Variants in DNAI2 observed in about 807,000 individuals in gnomAD.
The protein encoded by DNAI2 is dynein axonemal intermediate chain 2, also known as dynein, axonemal, intermediate polypeptide 2.
A neutral mutation model predicts 74.7 loss-of-function variants in DNAI2; 63 were observed. The observed-to-expected ratio is 0.84, with a 90% CI of 0.69 to 1.04. DNAI2 has a LOEUF of 1.04. Among genes scored for constraint, DNAI2 ranks in the 50% least tolerant of loss-of-function variants. The pLI, the probability that DNAI2 is intolerant of heterozygous loss-of-function variation, is 0.00. For synonymous variants in DNAI2, 289 were observed against 314.9 expected (o/e 0.92, Z 0.87); for missense variants, 688 against 803.2 (o/e 0.86, Z 1.73).
Position 74,295,578 on chromosome 17 carries a change from A to C in DNAI2, c.725-4140A>C, listed in dbSNP as rs540659952. ...CCAATATCTGGGCTTCTTGGGGACA[A>C]TCTCTATTTATTGCTTTTTTATTCC... On this transcript the variant is annotated intron_variant, in intron 6 of 13. Coordinates refer to ENST00000311014, the MANE Select transcript of DNAI2 (RefSeq NM_023036.6). Among the ~76,000 whole-genome samples, 14 of 151,950 alleles carry C rather than the reference A, an allele frequency of 9.2e-5. No homozygotes were observed. The East Asian group carries it at 2.5e-3, about 27-fold the overall frequency.
intron 2 of DNAI2, 60 bp from the exon 3 acceptor site, chr17:74,284,980 T>G: frequency 1.2e-6 from 2 of 1,610,128 alleles, no homozygotes; most frequent in Admixed American, 3.3e-5. Context: ...CTTGCAGAAG[T>G]GGCCGAGGGT....
intron 9 of DNAI2, chr17:74,307,231 A>G (rs1213668806): frequency 6.6e-6 from 3 of 456,174 alleles, no homozygotes; most frequent in Non-Finnish European, 8.8e-6. Context: ...GGGCTGTGTG[A>G]AAGGAGCAGG....
chr17:74,299,875 A>G lies in DNAI2; in HGVS notation c.864+18A>G, dbSNP rs766478158. The G allele has an allele frequency of 6.2e-7, 1 of 1,613,126 alleles. No individual in the cohort carries two copies. Reference sequence around the variant, plus strand: ...ATGGGCAGGTACCCACCAGCCAGACACTGGAGAGAGGAGGGAAGGGAGGGG... The same window carrying G: ...ATGGGCAGGTACCCACCAGCCAGACGCTGGAGAGAGGAGGGAAGGGAGGGG... On this transcript the variant is annotated intron_variant, in intron 7 of 13. Transcript: ENST00000311014.
intron 9 of DNAI2, among the ~76,000 whole-genome samples, chr17:74,307,019 C>T (rs1205756736): frequency 2.0e-5 from 3 of 152,192 alleles, no homozygotes; most frequent in Non-Finnish European, 4.4e-5. Context: ...AAGGAGCAAC[C>T]CCAGGCTTGT....
intron 5 of DNAI2, 147 bp from the exon 6 acceptor site, chr17:74,290,873 G>T: frequency 1.3e-6 from 1 of 781,814 alleles, no homozygotes; most frequent in East Asian, 2.4e-5. Flanking sequence ...GGACCAGGGG[G>T]TGCAGGCTGG....
chr17:74,308,716 C>A (rs530562600), intron 9 of DNAI2, among the ~76,000 whole-genome samples: 2 of 152,092 alleles, frequency 1.3e-5, no homozygotes, highest in Admixed American at 6.6e-5. Flanking sequence ...GAAACAGGGT[C>A]TTTCCATGTT....
chr17:74,304,186 CTTTTTT>C (rs56696514), intron 8 of DNAI2, among the ~76,000 whole-genome samples: 5 of 67,646 alleles, frequency 7.4e-5, no homozygotes, highest in African/African-American at 1.2e-4. Context: ...TTTCTTTTTT[CTTTTTT>C]TTTTTTTTTT....
rs1178914764 is a variant in DNAI2, at chr17:74,291,012, C to G, written c.611-8C>G. On this transcript the variant is annotated splice_region_variant and splice_polypyrimidine_tract_variant and intron_variant, in intron 5 of 13. Transcript: ENST00000311014. ...GCCTGGTGGGGATAATTTTTTTGTG[C>G]TTTATAGAAAACCCCAACAAGCCTG... 1 of 1,613,298 alleles carries G rather than the reference C, an allele frequency of 6.2e-7. No homozygotes were observed. Among genetic ancestry groups the G allele is most frequent in the Non-Finnish European group, 8.5e-7 (1 of 1,179,336 alleles).
intron 6 of DNAI2, among the ~76,000 whole-genome samples, chr17:74,295,919 G>T (rs1458076112): frequency 6.6e-6 from 1 of 152,094 alleles, no homozygotes; most frequent in African/African-American, 2.4e-5. Context: ...TCTGCTAAGG[G>T]GCTCTGTGTG....
chr17:74,288,226 A>ACCTCTTTATTATAAAAT (rs2051869250), intron 4 of DNAI2, among the ~76,000 whole-genome samples: 1 of 152,174 alleles, frequency 6.6e-6, no homozygotes, highest in Non-Finnish European at 1.5e-5. Context: ...TGAGCTGTTC[A>ACCTCTTTATTATAAAAT]CCTCTTTATT....
chr17:74,289,864 G>T (rs1319637525), intron 5 of DNAI2, 128 bp downstream of exon 5: 2 of 1,138,976 alleles, frequency 1.8e-6, no homozygotes, highest in African/African-American at 1.5e-5. Flanking sequence ...GGAAGGGCCC[G>T]CAGTCGAGGA....
chr17:74,278,069 CT>C (rs1300691869), intron 1 of DNAI2, among the ~76,000 whole-genome samples: 1 of 152,194 alleles, frequency 6.6e-6, no homozygotes, highest in African/African-American at 2.4e-5. Context: ...CCAGACATGC[CT>C]GGTGGTTCTG....
At position 74,312,554 on chromosome 17, in the gene DNAI2, G is replaced by A. The variant is rs180977207; in HGVS notation, c.1722+324G>A. Among the ~76,000 whole-genome samples, 610 of 152,224 alleles carry A rather than the reference G, an allele frequency of 4.0e-3. 2 individuals carry two copies. Among genetic ancestry groups the A allele is most frequent in the Non-Finnish European group, 6.3e-3 (430 of 68,004 alleles). On this transcript the variant is annotated intron_variant, in intron 12 of 13. Transcript: ENST00000311014. Reference sequence around the variant, plus strand: ...GAACATGTGTGTTGAGTGACTGAACGAGGGTCCTAGAGGTAAGTGAGCTGT... The same window carrying A: ...GAACATGTGTGTTGAGTGACTGAACAAGGGTCCTAGAGGTAAGTGAGCTGT...
chr17:74,304,256 A>G (rs2053055216), intron 8 of DNAI2, among the ~76,000 whole-genome samples: 1 of 117,420 alleles, frequency 8.5e-6, no homozygotes, highest in African/African-American at 3.4e-5. Context: ...GTGCAGTGGC[A>G]TGATCTCGGC....
chr17:74,284,909 A>G, intron 2 of DNAI2, 131 bp from the exon 3 acceptor site: 1 of 1,180,990 alleles, frequency 8.5e-7, no homozygotes, highest in Non-Finnish European at 1.2e-6. Context: ...GCATTTGAAA[A>G]TACTGTGGCT....
chr17:74,297,099 TCTTTGAG>T (rs1420758443), intron 6 of DNAI2, among the ~76,000 whole-genome samples: 1 of 152,154 alleles, frequency 6.6e-6, no homozygotes, highest in African/African-American at 2.4e-5. Context: ...TTTGTTTGTT[TCTTTGAG>T]ACAGAGTCTC....
chr17:74,286,995 A>C lies in DNAI2; in HGVS notation c.364A>C (p.Lys122Gln). The change falls in exon 4 of 14, where the codon AAG becomes CAG. Residue 122 changes from lysine to glutamine, a missense_variant. Lys to Gln is a moderately conservative substitution (Grantham distance 53). Transcript: ENST00000311014. ...QLGSIMEHCI[K>Q]QNNAIDIYEE... ...CCCCTAGATCATGGAGCACTGCATC[A>C]AGCAGAACAATGCCATTGACATCTA... 1 of 1,613,884 alleles carries C rather than the reference A, an allele frequency of 6.2e-7. No individual in the cohort carries two copies. The highest frequency in any genetic ancestry group is 2.2e-5 in the East Asian group (1 of 44,864).
chr17:74,291,867 ATT>A (rs36055191), intron 6 of DNAI2, among the ~76,000 whole-genome samples: 1 of 145,108 alleles, frequency 6.9e-6, no homozygotes. Context: ...ATTGATATTA[ATT>A]TTTTTTTTTT....
At chr17:74,285,958 C>CATAT (rs755199948) in intron 3 of DNAI2, among the ~76,000 whole-genome samples, 13,786 of 111,138 alleles carry the variant, frequency 0.12, 720 homozygotes, top group Middle Eastern at 0.22. Flanking sequence ...CACACACACA[C>CATAT]ATATATATAT....
Sources: allele counts gnomAD v4.1 joint callset (sites outside exome capture counted in the v4.1 genomes callset), GRCh38; gene constraint gnomAD v4.1.1; transcripts MANE v1.5; gene names NCBI Gene and HGNC (gene_info 2026-07-23, HGNC 2026-07-21).